PPM1L: variants seen among roughly 807,000 people sequenced by gnomAD.
PPM1L encodes the protein protein phosphatase, Mg2+/Mn2+ dependent 1L.
PPM1L carries 13 observed loss-of-function variants against 31.4 expected under a neutral mutation model. The observed-to-expected ratio is 0.41, with a 90% CI of 0.27 to 0.66. The LOEUF (loss-of-function observed/expected upper bound fraction) is 0.66, where lower values mean the gene tolerates loss of function less well. Ranked by LOEUF, PPM1L falls within the 30% of genes least tolerant of loss-of-function variation. The pLI is 0.29. For synonymous variants in PPM1L, 184 were observed against 175.4 expected, an observed-to-expected ratio of 1.05 and a Z score of -0.39; for missense variants, 326 against 453.7, an observed-to-expected ratio of 0.72 and a Z score of 2.56.
At chr3:160,883,881 C>CAA (rs36011243) in intron 1 of PPM1L, among the ~76,000 whole-genome samples, 2,130 of 106,210 alleles carry the variant, frequency 0.02, 61 homozygotes, top group African/African-American at 0.066. Context: ...CTTGTCTCTA[C>CAA]AAAAAAAAAA....
chr3:160,756,537 G>C lies in PPM1L; in HGVS notation c.229G>C (p.Val77Leu). The change falls in exon 1 of 4, where the codon GTG (valine) becomes CTG (leucine). Residue 77 changes from valine (V) to leucine (L), a missense_variant. Val to Leu is a conservative substitution (Grantham distance 32). Around this residue, in one of 3 missense-constraint regions of PPM1L, gnomAD observed 83 missense variants for 79.4 expected, o/e 1.04. Coordinates refer to ENST00000498165, the MANE Select transcript of PPM1L (RefSeq NM_139245.4). The surrounding 1 kb of genome is among the most constrained non-coding windows in gnomAD (Gnocchi z 6.2). ...MQNDRLGGLD[V>L]LEAEFSKTWE... ...GAACGATCGACTCGGGGGGCTTGAT[G>C]TGCTCGAGGCCGAGTTTTCCAAGAC... 6.2e-7 allele frequency: 1 copy of C among 1,614,172 alleles called. No individual in the cohort carries two copies. The highest frequency in any genetic ancestry group is 8.5e-7 in the Non-Finnish European group (1 of 1,180,026).
intron 1 of PPM1L, among the ~76,000 whole-genome samples, chr3:160,858,033 A>G (rs899726229): frequency 6.6e-6 from 1 of 152,116 alleles, no homozygotes; most frequent in Non-Finnish European, 1.5e-5. Flanking sequence ...AAAATAATGT[A>G]TCTCATTCTT....
At chr3:160,824,268 C>T (rs1251012134) in intron 1 of PPM1L, among the ~76,000 whole-genome samples, 1 of 152,104 alleles carries the variant, frequency 6.6e-6, no homozygotes, top group Non-Finnish European at 1.5e-5. Flanking sequence ...GGAAAAGAGT[C>T]CTAACCGAAA....
At chr3:160,968,731 A>G (rs1261454509) in intron 2 of PPM1L, among the ~76,000 whole-genome samples, 1 of 152,194 alleles carries the variant, frequency 6.6e-6, no homozygotes, top group Non-Finnish European at 1.5e-5. Flanking sequence ...ACCCTAAGCC[A>G]TGGGAGCGGA....
At chr3:160,943,979 C>CT (rs1715242586) in intron 1 of PPM1L, among the ~76,000 whole-genome samples, 1 of 152,122 alleles carries the variant, frequency 6.6e-6, no homozygotes, top group Non-Finnish European at 1.5e-5. Context: ...TATAATTTTT[C>CT]TCATCTCTTT....
intron 1 of PPM1L, among the ~76,000 whole-genome samples, chr3:160,765,510 C>A (rs944283472): frequency 2.0e-5 from 3 of 152,124 alleles, no homozygotes; most frequent in African/African-American, 7.2e-5. Context: ...CTAGAAAAGT[C>A]CTGTAGTTAA....
At chr3:160,874,699 G>A (rs963125481) in intron 1 of PPM1L, among the ~76,000 whole-genome samples, 1 of 152,184 alleles carries the variant, frequency 6.6e-6, no homozygotes, top group Non-Finnish European at 1.5e-5. Context: ...TAATAATGAT[G>A]TGTGGGTTCC....
chr3:160,863,856 C>T (rs1294609941), intron 1 of PPM1L, among the ~76,000 whole-genome samples: 2 of 152,004 alleles, frequency 1.3e-5, no homozygotes, highest in Non-Finnish European at 2.9e-5. Context: ...CCTGCAAGCC[C>T]CTTATGCATC....
At chr3:160,789,301 C>G (rs914086696) in intron 1 of PPM1L, among the ~76,000 whole-genome samples, 1 of 151,926 alleles carries the variant, frequency 6.6e-6, no homozygotes, top group Non-Finnish European at 1.5e-5. Flanking sequence ...AGGAAAGCCA[C>G]TATACAGAAT....
At chr3:161,023,512 C>T (rs138757855) in intron 2 of PPM1L, among the ~76,000 whole-genome samples, 3 of 152,242 alleles carry the variant, frequency 2.0e-5, no homozygotes, top group East Asian at 1.9e-4. Flanking sequence ...CTCCTCATAT[C>T]GGCTGTAAAA....
At chr3:161,056,108 G>A (rs1239073084) in intron 2 of PPM1L, among the ~76,000 whole-genome samples, 8 of 152,058 alleles carry the variant, frequency 5.3e-5, no homozygotes, top group African/African-American at 2.4e-5. Context: ...GGTTGGAGGG[G>A]GGCAAGGGAG....
At chr3:161,034,571 T>A (rs189137547) in intron 2 of PPM1L, among the ~76,000 whole-genome samples, 1 of 151,564 alleles carries the variant, frequency 6.6e-6, no homozygotes, top group East Asian at 2.0e-4. Context: ...AAACCATCAA[T>A]CTCAGCAAAG....
At chr3:160,931,198 C>T (rs1401509908) in intron 1 of PPM1L, among the ~76,000 whole-genome samples, 1 of 152,180 alleles carries the variant, frequency 6.6e-6, no homozygotes, top group African/African-American at 2.4e-5. Context: ...GAAGTTTGTA[C>T]AGACACATAC....
At chr3:161,021,055 T>C (rs1241905136) in intron 2 of PPM1L, among the ~76,000 whole-genome samples, 1 of 151,982 alleles carries the variant, frequency 6.6e-6, no homozygotes, top group East Asian at 1.9e-4. Flanking sequence ...GTATCATTTA[T>C]TTATGCTCTA....
chr3:160,966,422 T>C (rs1716145705), intron 2 of PPM1L, among the ~76,000 whole-genome samples: 1 of 152,142 alleles, frequency 6.6e-6, no homozygotes, highest in South Asian at 2.1e-4. Context: ...CTGGTAGTTT[T>C]ATTGTGATTT....
At position 160,900,089 on chromosome 3, in the gene PPM1L, A is replaced by G. The variant is rs76296244; in HGVS notation, c.400-61647A>G. ...CTTGGATTATACCTATTATCAATAT[A>G]AAATATCCATCTTTGCTGTATTTTT... On this transcript the variant is annotated intron_variant, in intron 1 of 3. Coordinates refer to ENST00000498165, the MANE Select transcript of PPM1L (RefSeq NM_139245.4). Among the ~76,000 whole-genome samples the G allele has an allele frequency of 5.3e-5, 8 of 152,222 alleles. No homozygotes were observed. In the East Asian group the frequency reaches 1.5e-3, roughly 29 times the overall value.
chr3:160,896,075 G>A (rs1713325795), intron 1 of PPM1L, among the ~76,000 whole-genome samples: 2 of 152,276 alleles, frequency 1.3e-5, no homozygotes, highest in South Asian at 4.1e-4. Flanking sequence ...TGAAGCATTT[G>A]AAGGAGGAGA....
Position 160,955,553 on chromosome 3 carries a change from G to C in PPM1L, c.400-6183G>C, listed in dbSNP as rs148385522. On this transcript the variant is annotated intron_variant, in intron 1 of 3. Coordinates refer to ENST00000498165, the MANE Select transcript of PPM1L (RefSeq NM_139245.4). ...GTTTTGTTTGCATATTAAAATTGCA[G>C]TTTCCTTTATGGTAAAGGCTTGTTT... is the stretch of plus-strand genomic sequence containing the variant. 1.8e-3 allele frequency among the ~76,000 whole-genome samples: 268 copies of C among 151,442 alleles called. 1 individual carries two copies. Among genetic ancestry groups the C allele is most frequent in the Middle Eastern group, 6.9e-3 (2 of 290 alleles).
chr3:160,837,332 AATG>A (rs1713750344), intron 1 of PPM1L, among the ~76,000 whole-genome samples: 1 of 152,212 alleles, frequency 6.6e-6, no homozygotes, highest in Non-Finnish European at 1.5e-5. Context: ...AAGAAACAAA[AATG>A]ATACTGTTAT....
Sources: allele counts gnomAD v4.1 joint callset (sites outside exome capture counted in the v4.1 genomes callset), GRCh38; gene constraint gnomAD v4.1.1; regional missense constraint gnomAD v4.1.1; non-coding constraint Gnocchi (gnomAD v3.1); transcripts MANE v1.5; gene names NCBI Gene and HGNC (gene_info 2026-07-23, HGNC 2026-07-21).